Variants in SDSL observed in about 807,000 individuals in gnomAD.
SDSL encodes serine dehydratase-like.
SDSL carries 26 observed loss-of-function variants against 27.6 expected under a neutral mutation model. That is an observed-to-expected ratio of 0.94 (90% CI 0.69 to 1.31). The LOEUF (loss-of-function observed/expected upper bound fraction) is 1.31. Among genes scored for constraint, SDSL ranks in the 50% most tolerant of loss-of-function variants. The pLI is 0.00. For missense variants in SDSL, 431 were observed against 423.5 expected, an observed-to-expected ratio of 1.02 and a Z score of -0.16; for synonymous variants, 196 against 180.6, an observed-to-expected ratio of 1.09 and a Z score of -0.69.
intron 3 of SDSL, 41 bp downstream of exon 3, chr12:113,428,500 G>A: frequency 6.3e-7 from 1 of 1,590,138 alleles, no homozygotes; most frequent in Non-Finnish European, 8.6e-7. Context: ...GAGGTTGGGG[G>A]AGGAGGAATA....
chr12:113,423,805 C>A (rs542577860), intron 1 of SDSL, among the ~76,000 whole-genome samples: 3 of 152,226 alleles, frequency 2.0e-5, no homozygotes, highest in Admixed American at 6.5e-5. Context: ...TTCATCCTGA[C>A]AATCCCAGGA....
At chr12:113,437,509 C>T (rs1958012738) in intron 7 of SDSL, among the ~76,000 whole-genome samples, 1 of 152,020 alleles carries the variant, frequency 6.6e-6, no homozygotes, top group African/African-American at 2.4e-5. Flanking sequence ...AATGGACAGA[C>T]ACATTGATTA....
chr12:113,432,269 T>TTTTTTTC (rs1491401832), intron 4 of SDSL, among the ~76,000 whole-genome samples: 66 of 142,264 alleles, frequency 4.6e-4, no homozygotes, highest in African/African-American at 1.7e-3. Flanking sequence ...TCTTTCTTTC[T>TTTTTTTC]TTCTTTCTTT....
rs552723724 is a variant in SDSL, at chr12:113,437,888, G to C, written c.799G>C (p.Asp267His). The C allele has an allele frequency of 6.3e-7, 1 of 1,596,180 alleles. No individual in the cohort carries two copies. Among genetic ancestry groups the C allele is most frequent in the Admixed American group, 1.8e-5 (1 of 56,558 alleles). ...TCTCCATCCCCCGATCCTGGCAGAT[G>C]ATGAGCGTATGCTGGTGGAGCCTGC... ...AVSAVQQLLD[D>H]ERMLVEPACG... The change falls in exon 8 of 8, where the codon GAT becomes CAT. Residue 267 changes from aspartate to histidine, a missense_variant and splice_region_variant. Physicochemically the swap from Asp to His is moderately conservative, Grantham distance 81 (BLOSUM62 -1). Coordinates refer to ENST00000403593, the MANE Select transcript of SDSL (RefSeq NM_001304993.2).
intron 3 of SDSL, 89 bp downstream of exon 3, chr12:113,428,548 C>A: frequency 1.8e-6 from 2 of 1,123,052 alleles, no homozygotes; most frequent in Non-Finnish European, 2.6e-6. Context: ...TTGGTCTCCT[C>A]TTAAAGGCCC....
intron 4 of SDSL, among the ~76,000 whole-genome samples, chr12:113,431,348 C>G (rs1242088868): frequency 6.6e-6 from 1 of 152,160 alleles, no homozygotes; most frequent in African/African-American, 2.4e-5. Context: ...TTCACTCTGC[C>G]TGCTCTGGGG....
At chr12:113,437,136 C>T (rs1958006992) in intron 7 of SDSL, 1 of 243,286 alleles carries the variant, frequency 4.1e-6, no homozygotes, top group Non-Finnish European at 7.9e-6. Context: ...TTTGATGTGA[C>T]TGAGGGCTAT....
Position 113,435,261 on chromosome 12 carries a change from C to T in SDSL, c.444-68C>T, listed in dbSNP as rs527465759. The stretch of plus-strand genomic sequence containing the variant: ...AGAACCCACCCCTGGTAAATTCCCC[C>T]ACCACAGGAGCCATCTGGGCTGGGG... On this transcript the variant is annotated intron_variant, in intron 5 of 7. Coordinates refer to ENST00000403593, the MANE Select transcript of SDSL (RefSeq NM_001304993.2). 6.4e-5 allele frequency: 72 copies of T among 1,124,910 alleles called. No homozygotes were observed. The South Asian group carries it at 1.1e-3, about 17-fold the overall frequency. The allele number at this position is 1,124,910 out of a possible 1,614,324, so 69.7% of individuals were successfully genotyped here.
rs917434849 is a variant in SDSL, at chr12:113,434,225, A to G, written c.443+3A>G. The stretch of plus-strand genomic sequence containing the variant: ...CCGTTTGACCACCCCCTAATATGGT[A>G]AGGCTGACGCCCCTCTCCCCAGGAG... On this transcript the variant is annotated splice_donor_region_variant and intron_variant, in intron 5 of 7. Coordinates refer to ENST00000403593, the MANE Select transcript of SDSL (RefSeq NM_001304993.2). 6.2e-7 allele frequency: 1 copy of G among 1,606,430 alleles called. No individual in the cohort carries two copies. Among genetic ancestry groups the G allele is most frequent in the Non-Finnish European group, 8.5e-7 (1 of 1,175,104 alleles).
rs1485323853 is a variant in SDSL, at chr12:113,429,204, G to C, written c.259G>C (p.Gly87Arg). The C allele has an allele frequency of 6.2e-7, 1 of 1,613,862 alleles. No homozygotes were observed. Among genetic ancestry groups the C allele is most frequent in the Non-Finnish European group, 8.5e-7 (1 of 1,179,870 alleles). The change falls in exon 4 of 8, where the codon GGC (glycine) becomes CGC (arginine). Residue 87 changes from glycine to arginine, a missense_variant. Gly to Arg is a moderately radical substitution (Grantham distance 125, BLOSUM62 -2). Coordinates refer to ENST00000403593, the MANE Select transcript of SDSL (RefSeq NM_001304993.2). ...IAAAYAARKLGIPATIVLPES... is the reference protein window; with the variant it reads ...IAAAYAARKLRIPATIVLPES... ...TGCTGCCTATGCTGCTAGGAAGCTG[G>C]GCATTCCTGCCACCATCGTGCTCCC...
Position 113,435,467 on chromosome 12 carries a change from AC to A in SDSL, c.585del (p.Ile196SerfsTer63). On this transcript the variant is annotated frameshift_variant, in exon 6 of 8. Coordinates refer to ENST00000403593, the MANE Select transcript of SDSL (RefSeq NM_001304993.2). LOFTEE classifies it high-confidence loss of function. Reference sequence around the variant, plus strand: ...TGCTGGAGGTGGGCTGGCAGCATGTACCCATCATTGCCATGGAGACCCATGG... The same window carrying A: ...TGCTGGAGGTGGGCTGGCAGCATGTACCATCATTGCCATGGAGACCCATGG... ...GLLEVGWQHV[P>X]IIAMETHGAH... 1 of 1,613,962 alleles carries A rather than the reference AC, an allele frequency of 6.2e-7. No individual in the cohort carries two copies. The highest frequency in any genetic ancestry group is 8.5e-7 in the Non-Finnish European group (1 of 1,179,952).
chr12:113,428,830 C>A (rs1957883642), intron 3 of SDSL, among the ~76,000 whole-genome samples: 2 of 152,010 alleles, frequency 1.3e-5, no homozygotes, highest in African/African-American at 4.8e-5. Flanking sequence ...AAGATGGCCA[C>A]CAGGAATTCC....
chr12:113,423,214 T>C (rs1957811654), intron 1 of SDSL, among the ~76,000 whole-genome samples: 2 of 152,354 alleles, frequency 1.3e-5, no homozygotes, highest in South Asian at 4.1e-4. Context: ...GAGCATTTGG[T>C]TCCAAAGGAC....
intron 7 of SDSL, 51 bp from the exon 8 acceptor site, chr12:113,437,835 G>C (rs746461054): frequency 6.6e-7 from 1 of 1,512,844 alleles, no homozygotes; most frequent in South Asian, 1.3e-5. Flanking sequence ...GCTGAGCACC[G>C]AGTGGTTCTT....
intron 1 of SDSL, chr12:113,422,990 A>C (rs765911398): frequency 6.6e-6 from 1 of 152,296 alleles, no homozygotes; most frequent in Non-Finnish European, 1.5e-5. Flanking sequence ...AGGGAGACCC[A>C]GGTCCCCCAT....
At chr12:113,432,268 CTTTCTT>C (rs1565879168) in intron 4 of SDSL, among the ~76,000 whole-genome samples, 6 of 140,404 alleles carry the variant, frequency 4.3e-5, no homozygotes, top group Admixed American at 2.9e-4. Flanking sequence ...TTCTTTCTTT[CTTTCTT>C]TCTTTCTTTC....
intron 1 of SDSL, chr12:113,426,083 TCTCCGTGGGCGGGAACCC>T (rs1957846641): frequency 2.3e-6 from 1 of 438,870 alleles, no homozygotes; most frequent in Middle Eastern, 4.2e-4. Context: ...ACCAAACTCC[TCTCCGTGGGCGGGAACCC>T]CCTGCTGGCA....
rs1480757345 is a variant in SDSL, at chr12:113,435,365, A to G, written c.480A>G (p.Ala160=). Residue 160 remains alanine, a synonymous_variant, in exon 6 of 8, where the codon GCA becomes GCG. Coordinates refer to ENST00000403593, the MANE Select transcript of SDSL (RefSeq NM_001304993.2). ...GHASLVQELK[A]VLRTPPGALV... is the part of the protein sequence containing the mutation. ...CCAGCCTGGTGCAGGAGCTGAAAGC[A>G]GTGCTGAGGACCCCACCAGGTGCCC... 3.8e-6 allele frequency: 6 copies of G among 1,584,260 alleles called. No individual in the cohort carries two copies. The highest frequency in any genetic ancestry group is 1.3e-5 in the African/African-American group (1 of 74,392).
Position 113,427,988 on chromosome 12 carries a change from C to T in SDSL, c.6C>T (p.Asp2=), listed in dbSNP as rs200331108. The T allele has an allele frequency of 1.1e-4, 183 of 1,610,692 alleles. No individual in the cohort carries two copies. Among genetic ancestry groups the T allele is most frequent in the Middle Eastern group, 6.8e-4 (4 of 5,868 alleles). Residue 2 remains aspartate (D), a synonymous_variant, in exon 2 of 8, where the codon GAC becomes GAT. Transcript: ENST00000403593. M[D]GPVAEHAKQE... is the part of the protein sequence containing the mutation. ...CTGTCTACCTGGTCTCCAGAATGGACGGCCCTGTGGCAGAGCATGCCAAGC... is the reference window on the plus strand; with the variant it reads ...CTGTCTACCTGGTCTCCAGAATGGATGGCCCTGTGGCAGAGCATGCCAAGC...
Sources: gnomAD v4.1 joint callset for allele counts (sites outside exome capture counted in the v4.1 genomes callset) on GRCh38, gnomAD v4.1.1 for gene constraint, MANE v1.5 for transcripts, NCBI Gene and HGNC (gene_info 2026-07-23, HGNC 2026-07-21) for gene names.